Variants in PPL observed in about 807,000 individuals in gnomAD.
The protein encoded by PPL is periplakin, also known as 190 kDa paraneoplastic pemphigus antigen.
A neutral mutation model predicts 194.4 loss-of-function variants in PPL; 198 were observed. That is an observed-to-expected ratio of 1.02 (90% confidence interval 0.91 to 1.15). The LOEUF (loss-of-function observed/expected upper bound fraction) is 1.15, where lower values mean the gene tolerates loss of function less well. PPL is among the 50% of genes most tolerant of loss of function. The pLI is 0.00. For missense variants in PPL, 2,885 were observed against 2,294.8 expected (o/e 1.26, Z -5.25); for synonymous variants, 1,220 against 972.4 (o/e 1.25, Z -4.74).
At position 4,888,969 on chromosome 16, in the gene PPL, C is replaced by T. The variant is rs1351890227; in HGVS notation, c.2397+9G>A. ...TGTTTGTGCTTTGGGCGGAAGTTTC[C>T]CGGCTCACCTTTACAGCTTGCTGGT... On this transcript the variant is annotated intron_variant, in intron 19 of 21. Transcript: ENST00000345988. 1 of 1,612,694 alleles carries T rather than the reference C, an allele frequency of 6.2e-7. No homozygotes were observed. Among genetic ancestry groups the T allele is most frequent in the Admixed American group, 1.7e-5 (1 of 60,014 alleles).
chr16:4,894,601 G>A lies in PPL; in HGVS notation c.1260C>T (p.Gly420=). ...TGTTCTTCTGCAGGGTGTAGCTGTA[G>A]CCCCGCGAGATCAGGCCCTGGCGGG... ...FEGEQGLISR[G]YSYTLQKNNG... Residue 420 remains glycine, a synonymous_variant, in exon 12 of 22, where the codon GGC becomes GGT. Transcript: ENST00000345988. 1.2e-6 allele frequency: 2 copies of A among 1,613,366 alleles called. No homozygotes were observed. Among genetic ancestry groups the A allele is most frequent in the South Asian group, 1.1e-5 (1 of 91,074 alleles).
chr16:4,907,308 TCACACA>T (rs56210938), intron 2 of PPL, among the ~76,000 whole-genome samples: 2,793 of 145,690 alleles, frequency 0.019, 78 homozygotes, highest in African/African-American at 0.056. Flanking sequence ...ATATCTAATC[TCACACA>T]CACACACACA....
At chr16:4,900,800 A>G (rs1174102163) in intron 6 of PPL, 30 bp downstream of exon 6, 17 of 1,613,482 alleles carry the variant, frequency 1.1e-5, no homozygotes, top group Non-Finnish European at 1.4e-5. Flanking sequence ...TCCTCTCCCC[A>G]TGAGGCCTTT....
chr16:4,923,411 A>T (rs2089090591), intron 1 of PPL, among the ~76,000 whole-genome samples: 1 of 152,108 alleles, frequency 6.6e-6, no homozygotes, highest in Non-Finnish European at 1.5e-5. Flanking sequence ...AGTTGGGGAG[A>T]TATGCTTCCC....
At chr16:4,889,241 G>GTTTTTTTTT (rs869094472) in intron 18 of PPL, among the ~76,000 whole-genome samples, 180 bp from the exon 19 acceptor site, 2 of 66,626 alleles carry the variant, frequency 3.0e-5, no homozygotes, top group African/African-American at 1.5e-4. Context: ...TGTTGTTGTT[G>GTTTTTTTTT]TTTTTTTTTT....
Position 4,887,536 on chromosome 16 carries a change from T to A in PPL, c.2515-309A>T, listed in dbSNP as rs557263529. ...AATATCAGCCCTCCACTGTACTTAC[T>A]GAGGTGAGCAAAACAGGAACTTCCC... On this transcript the variant is annotated intron_variant, in intron 20 of 21. Transcript: ENST00000345988. Among the ~76,000 whole-genome samples the A allele has an allele frequency of 3.9e-5, 6 of 152,342 alleles. No individual in the cohort carries two copies. The East Asian group carries it at 1.2e-3, about 29-fold the overall frequency.
At chr16:4,914,297 CCTG>C (rs1166045908) in intron 1 of PPL, among the ~76,000 whole-genome samples, 2 of 152,160 alleles carry the variant, frequency 1.3e-5, no homozygotes, top group East Asian at 3.9e-4. Flanking sequence ...CTAACCCAGA[CCTG>C]CTGAACCCAG....
At position 4,902,932 on chromosome 16, in the gene PPL, G is replaced by A. The variant is rs1281688389; in HGVS notation, c.318-406C>T. On this transcript the variant is annotated intron_variant, in intron 3 of 21. Transcript: ENST00000345988. The surrounding 1 kb of genome is among the most constrained non-coding windows in gnomAD (Gnocchi z 4.0). ...TCGAACTCCTGACCTCAGGTGATCC[G>A]TCCGCTTCGGCCTCCCGAAGTGCTG... Among the ~76,000 whole-genome samples the A allele has an allele frequency of 2.6e-5, 4 of 152,252 alleles. No individual in the cohort carries two copies. Among genetic ancestry groups the A allele is most frequent in the Non-Finnish European group, 4.4e-5 (3 of 68,026 alleles).
rs371499343 is a variant in PPL at position 4,895,558 on chromosome 16, C to T, written c.1095+36G>A. ...GGCATGGTGTAGAGGGGTCCCCCGC[C>T]CCCCGGGCCAGCAGGGGTCCTGGGC... On this transcript the variant is annotated intron_variant, in intron 10 of 21. Transcript: ENST00000345988. 20 of 1,613,046 alleles carry T rather than the reference C, an allele frequency of 1.2e-5. No individual in the cohort carries two copies. In the African/African-American group the frequency reaches 2.3e-4, roughly 18 times the overall value.
At chr16:4,909,026 G>A (rs2088763075) in intron 2 of PPL, among the ~76,000 whole-genome samples, 1 of 152,218 alleles carries the variant, frequency 6.6e-6, no homozygotes, top group Non-Finnish European at 1.5e-5. Flanking sequence ...AAATGACAAG[G>A]GGAGCTGATG....
In PPL at chr16:4,891,812, G is replaced by A. The variant is rs759537536; in HGVS notation, c.1967C>T (p.Ala656Val). The change falls in exon 16 of 22, where the codon GCG becomes GTG. Residue 656 changes from alanine to valine, a missense_variant and splice_region_variant. Coordinates refer to ENST00000345988, the MANE Select transcript of PPL (RefSeq NM_002705.5). ...CCAGGACTTGGGCCCTAGACTCACC[G>A]CCAGCTCCTGCCCCTTGCTGTCCAG... Reference protein sequence around the residue: ...RVLDSKGQELAAMACELQAQK... With the variant: ...RVLDSKGQELVAMACELQAQK... 1.3e-5 allele frequency: 21 copies of A among 1,607,972 alleles called. No individual in the cohort carries two copies. Among genetic ancestry groups the A allele is most frequent in the Admixed American group, 5.1e-5 (3 of 59,240 alleles).
At chr16:4,928,729 G>T (rs1421141106) in intron 1 of PPL, among the ~76,000 whole-genome samples, 1 of 152,154 alleles carries the variant, frequency 6.6e-6, no homozygotes, top group Non-Finnish European at 1.5e-5. Flanking sequence ...AACTCTATTT[G>T]GCTGGGAGCA....
intron 1 of PPL, among the ~76,000 whole-genome samples, chr16:4,929,374 C>G (rs2089199385): frequency 6.6e-6 from 1 of 152,050 alleles, no homozygotes; most frequent in Admixed American, 6.6e-5. Flanking sequence ...ACTCTGAGAC[C>G]CAGGACTCAG....
chr16:4,900,866 C>T lies in PPL; in HGVS notation c.570G>A (p.Gln190=), dbSNP rs756456158. The T allele has an allele frequency of 6.2e-7, 1 of 1,614,146 alleles. No individual in the cohort carries two copies. The highest frequency in any genetic ancestry group is 1.1e-5 in the South Asian group (1 of 91,084). The change falls in exon 6 of 22, where the codon CAG becomes CAA. Residue 190 remains glutamine, a synonymous_variant. Coordinates refer to ENST00000345988, the MANE Select transcript of PPL (RefSeq NM_002705.5). ...PHLAKDGDKE[Q]NSELRAKYQK... The stretch of plus-strand genomic sequence containing the variant: ...GGTACTTGGCCCGGAGTTCGCTGTT[C>T]TGCTCCTGAGGACAGAGCCGAGGGC...
At position 4,883,833 on chromosome 16, in the gene PPL, G is replaced by C; in HGVS notation, c.4822C>G (p.His1608Asp). The C allele has an allele frequency of 6.2e-7, 1 of 1,614,122 alleles. No individual in the cohort carries two copies. Among genetic ancestry groups the C allele is most frequent in the Middle Eastern group, 1.6e-4 (1 of 6,062 alleles). ...NMTVADSGTN[H>D]DSRLWSLERE... ...TCCAGGGACCACAGTCTGGAGTCAT[G>C]GTTGGTCCCAGAGTCCGCCACGGTC... Residue 1608 changes from histidine to aspartate, a missense_variant, in exon 22 of 22, where the codon CAT (histidine) becomes GAT (aspartate). Coordinates refer to ENST00000345988, the MANE Select transcript of PPL (RefSeq NM_002705.5). The surrounding 1 kb of genome is among the most constrained non-coding windows in gnomAD (Gnocchi z 4.8).
At chr16:4,929,613 T>A (rs1338996797) in intron 1 of PPL, among the ~76,000 whole-genome samples, 1 of 152,254 alleles carries the variant, frequency 6.6e-6, no homozygotes, top group Admixed American at 6.5e-5. Context: ...AGAGAAATGT[T>A]ATTGTTCATT....
chr16:4,895,523 G>C, intron 10 of PPL, 71 bp downstream of exon 10: 1 of 1,610,230 alleles, frequency 6.2e-7, no homozygotes. Context: ...CCTGTACAGG[G>C]CTGAGGGCAG....
intron 3 of PPL, among the ~76,000 whole-genome samples, chr16:4,903,143 G>A (rs1304267337): frequency 6.6e-6 from 1 of 152,154 alleles, no homozygotes; most frequent in Non-Finnish European, 1.5e-5. Context: ...GCCATGCCAA[G>A]GACAAGTGCC....
chr16:4,930,874 A>G (rs994972176), intron 1 of PPL, among the ~76,000 whole-genome samples: 2 of 152,232 alleles, frequency 1.3e-5, no homozygotes, highest in Middle Eastern at 3.2e-3. Flanking sequence ...ACCAGCTCCC[A>G]GGGCCTAAGA....
Sources: gnomAD v4.1 joint callset for allele counts (sites outside exome capture counted in the v4.1 genomes callset) on GRCh38, gnomAD v4.1.1 for gene constraint, Gnocchi (gnomAD v3.1) non-coding constraint, MANE v1.5 for transcripts, NCBI Gene and HGNC (gene_info 2026-07-23, HGNC 2026-07-21) for gene names.